Variants in MRPS18A observed in about 807,000 individuals in gnomAD.
MRPS18A encodes the protein mitochondrial ribosomal protein S18A.
MRPS18A carries 20 observed loss-of-function variants against 22.7 expected under a neutral mutation model. The ratio of observed to expected loss-of-function variants is 0.88; its 90% CI spans 0.62 to 1.28. MRPS18A has a LOEUF of 1.28. MRPS18A is among the 50% of genes most tolerant of loss of function. The pLI, the probability that MRPS18A is intolerant of heterozygous loss-of-function variation, is 0.00. For synonymous variants in MRPS18A, 106 were observed against 99.1 expected (o/e 1.07, Z -0.41); for missense variants, 294 against 262.6 (o/e 1.12, Z -0.83).
chr6:43,679,361 C>T lies in MRPS18A; in HGVS notation c.145-736G>A, dbSNP rs74777370. 7.2e-3 allele frequency among the ~76,000 whole-genome samples: 1,101 copies of T among 152,300 alleles called. 17 individuals are homozygous for T. Among genetic ancestry groups the T allele is most frequent in the African/African-American group, 0.024 (981 of 41,558 alleles). On this transcript the variant is annotated intron_variant, in intron 2 of 5. Coordinates refer to ENST00000372133, the MANE Select transcript of MRPS18A (RefSeq NM_018135.4). ...GGGCTGTGCCATATAAGCAGATATG[C>T]GTGCACTCGTTCTCTCTTTACAAAA...
chr6:43,673,932 AGGC>A lies in MRPS18A; in HGVS notation c.446+1267_446+1269del. On this transcript the variant is annotated intron_variant, in intron 5 of 5. Transcript: ENST00000372133. The surrounding 1 kb of genome is among the most constrained non-coding windows in gnomAD (Gnocchi z 4.2). ...CGCCTGGCCTAGCTTCAAAGGCCTG[AGGC>A]AGGATGGATTGTGTCCTCAGGCCTG... 2.0e-5 allele frequency among the ~76,000 whole-genome samples: 3 copies of A among 152,304 alleles called. No homozygotes were observed. Among genetic ancestry groups the A allele is most frequent in the Admixed American group, 2.0e-4 (3 of 15,304 alleles).
intron 2 of MRPS18A, among the ~76,000 whole-genome samples, chr6:43,679,902 T>C (rs984410518): frequency 2.0e-5 from 3 of 152,184 alleles, no homozygotes; most frequent in Non-Finnish European, 4.4e-5. Context: ...CCATTATATG[T>C]GTGGCTCAGT....
At chr6:43,672,245 T>C (rs1773758193) in intron 5 of MRPS18A, 2 of 433,998 alleles carry the variant, frequency 4.6e-6, no homozygotes, top group East Asian at 1.1e-4. Context: ...CTCTCTGGCC[T>C]CAGCCATGGG....
chr6:43,672,111 G>A lies in MRPS18A; in HGVS notation c.447-205C>T, dbSNP rs187982788. On this transcript the variant is annotated intron_variant, in intron 5 of 5. Transcript: ENST00000372133. ...ATGGGCTGGGCTCTTGCTGCCGCAA[G>A]CCTGTGTGGCCAGGTTCAGGCAGCC... The A allele has an allele frequency of 1.3e-3, 842 of 636,086 alleles. 15 individuals carry two copies. The highest frequency in any genetic ancestry group is 0.011 in the South Asian group (550 of 49,754). The allele number at this position is 636,086 out of a possible 1,614,324, so 39.4% of individuals were successfully genotyped here.
chr6:43,687,758 C>T lies in MRPS18A; in HGVS notation c.22G>A (p.Val8Met), dbSNP rs1203809431. 1.4e-5 allele frequency: 22 copies of T among 1,581,782 alleles called. No homozygotes were observed. The highest frequency in any genetic ancestry group is 1.9e-5 in the Non-Finnish European group (22 of 1,163,768). The change falls in exon 1 of 6, where the codon GTG becomes ATG. Residue 8 changes from valine to methionine, a missense_variant. Transcript: ENST00000372133. MAALKAL[V>M]SGCGRLLRGL... ...CGGAGAAGCCGCCCACAGCCGGACACCAGAGCCTTGAGGGCCGCCATCTTC... is the reference window on the plus strand; with the variant it reads ...CGGAGAAGCCGCCCACAGCCGGACATCAGAGCCTTGAGGGCCGCCATCTTC...
Position 43,672,141 on chromosome 6 carries a change from G to T in MRPS18A, c.447-235C>A, listed in dbSNP as rs73733601. On this transcript the variant is annotated intron_variant, in intron 5 of 5. Transcript: ENST00000372133. ...TGTGGCCAGGTTCAGGCAGCCCAGG[G>T]CCACAAGCTCCCTTGATCTTTGTAA... 8.1e-3 allele frequency: 4,765 copies of T among 590,260 alleles called. 183 individuals are homozygous for T. The highest frequency in any genetic ancestry group is 0.079 in the African/African-American group (4,238 of 53,566). The allele number at this position is 590,260 out of a possible 1,614,324, so 36.6% of individuals were successfully genotyped here. A position where few individuals can be genotyped will look rare whatever the true frequency, so the allele number is the denominator to read the frequency against.
chr6:43,683,848 C>A (rs1323228769), intron 1 of MRPS18A, among the ~76,000 whole-genome samples: 1 of 152,202 alleles, frequency 6.6e-6, no homozygotes, highest in African/African-American at 2.4e-5. Flanking sequence ...AGGAAAAGAA[C>A]TAAACTCTGC....
At chr6:43,672,072 C>T (rs778247590) in intron 5 of MRPS18A, 166 bp from the exon 6 acceptor site, 42 of 829,506 alleles carry the variant, frequency 5.1e-5, no homozygotes, top group East Asian at 3.2e-4. Context: ...AACTGCTGAG[C>T]GTCCTGTAAA....
At chr6:43,682,484 C>A (rs1370209366) in intron 1 of MRPS18A, among the ~76,000 whole-genome samples, 1 of 152,226 alleles carries the variant, frequency 6.6e-6, no homozygotes, top group Non-Finnish European at 1.5e-5. Context: ...TAAAGACTCA[C>A]TGCTCCAAAA....
Position 43,671,843 on chromosome 6 carries a change from G to C in MRPS18A, c.510C>G (p.Asn170Lys), listed in dbSNP as rs1343555384. ...KPIYKKGPRW[N>K]RVRMPVGSPL... ...GTGACCCCACGGGCATGCGCACCCT[G>C]TTCCAGCGGGGGCCTTTTTTGTAGA... The change falls in exon 6 of 6, where the codon AAC becomes AAG. Residue 170 changes from asparagine to lysine, a missense_variant. Asn to Lys is a moderately conservative substitution (Grantham distance 94). Coordinates refer to ENST00000372133, the MANE Select transcript of MRPS18A (RefSeq NM_018135.4). The C allele has an allele frequency of 1.9e-6, 3 of 1,614,036 alleles. No individual in the cohort carries two copies. The South Asian group carries it at 3.3e-5, about 18-fold the overall frequency.
intron 1 of MRPS18A, among the ~76,000 whole-genome samples, chr6:43,684,370 A>T (rs1227879579): frequency 6.6e-6 from 1 of 152,048 alleles, no homozygotes; most frequent in Non-Finnish European, 1.5e-5. Flanking sequence ...AGTCTTATGT[A>T]GGGTCAGGGA....
At chr6:43,678,429 G>A (rs768038563) in intron 3 of MRPS18A, 89 bp downstream of exon 3, 1 of 965,622 alleles carries the variant, frequency 1.0e-6, no homozygotes, top group Admixed American at 1.8e-5. Context: ...TGCAGCAGTA[G>A]CTACAGCGGG....
At chr6:43,680,954 T>A (rs929083223) in intron 2 of MRPS18A, 135 bp downstream of exon 2, 2 of 747,818 alleles carry the variant, frequency 2.7e-6, no homozygotes, top group African/African-American at 1.8e-5. Context: ...AATAGTAGGC[T>A]GTGGGATTTA....
chr6:43,678,484 A>G (rs1774191164), intron 3 of MRPS18A, 34 bp downstream of exon 3: 1 of 1,487,876 alleles, frequency 6.7e-7, no homozygotes, highest in Admixed American at 1.7e-5. Flanking sequence ...ACTTCATGAC[A>G]CACAGAACCG....
Position 43,675,582 on chromosome 6 carries a change from A to G in MRPS18A, c.288T>C (p.His96=). 1 of 1,613,630 alleles carries G rather than the reference A, an allele frequency of 6.2e-7. No homozygotes were observed. Among genetic ancestry groups the G allele is most frequent in the Non-Finnish European group, 8.5e-7 (1 of 1,179,876 alleles). Residue 96 remains histidine (H), a synonymous_variant, in exon 4 of 6, where the codon CAT becomes CAC. Coordinates refer to ENST00000372133, the MANE Select transcript of MRPS18A (RefSeq NM_018135.4). ...VLLLSQFIRP[H]GGMLPRKITG... ...TGATCTTTCGGGGCAGCATGCCTCCATGAGGCCGGATGAACTGGCTAAGCA... is the reference window on the plus strand; with the variant it reads ...TGATCTTTCGGGGCAGCATGCCTCCGTGAGGCCGGATGAACTGGCTAAGCA...
At chr6:43,677,235 G>C (rs1774108264) in intron 3 of MRPS18A, among the ~76,000 whole-genome samples, 1 of 152,254 alleles carries the variant, frequency 6.6e-6, no homozygotes, top group East Asian at 1.9e-4. Context: ...CCCCTTGCCT[G>C]TGTGCTTGCT....
chr6:43,683,110 G>A (rs897607444), intron 1 of MRPS18A, among the ~76,000 whole-genome samples: 4 of 152,012 alleles, frequency 2.6e-5, no homozygotes, highest in Admixed American at 1.3e-4. Context: ...CATCACTCCC[G>A]GCAAAGTACC....
intron 2 of MRPS18A, 125 bp downstream of exon 2, chr6:43,680,964 A>G (rs1227598545): frequency 3.7e-6 from 3 of 815,180 alleles, no homozygotes; most frequent in African/African-American, 3.5e-5. Context: ...TGTGGGATTT[A>G]TGGTCATTGA....
Position 43,687,770 on chromosome 6 carries a change from G to C in MRPS18A, c.10C>G (p.Leu4Val), listed in dbSNP as rs187081087. ...CCACAGCCGGACACCAGAGCCTTGA[G>C]GGCCGCCATCTTCAAAAACCTACCC... MAA[L>V]KALVSGCGRL... Residue 4 changes from leucine to valine, a missense_variant, in exon 1 of 6, where the codon CTC becomes GTC. Coordinates refer to ENST00000372133, the MANE Select transcript of MRPS18A (RefSeq NM_018135.4). The C allele has an allele frequency of 6.3e-7, 1 of 1,575,054 alleles. No individual in the cohort carries two copies. The highest frequency in any genetic ancestry group is 8.6e-7 in the Non-Finnish European group (1 of 1,160,006).
Sources: gnomAD v4.1 joint callset for allele counts (sites outside exome capture counted in the v4.1 genomes callset) on GRCh38, gnomAD v4.1.1 for gene constraint, Gnocchi (gnomAD v3.1) non-coding constraint, MANE v1.5 for transcripts, NCBI Gene and HGNC (gene_info 2026-07-23, HGNC 2026-07-21) for gene names.